Variants in PLOD2 observed in about 807,000 individuals in gnomAD.
PLOD2 encodes lysine hydroxylase 2.
Under a neutral mutation model 101.0 loss-of-function variants are expected in PLOD2, and 65 were observed. That is an observed-to-expected ratio of 0.64 (90% confidence interval 0.53 to 0.79). The LOEUF is 0.79. PLOD2 is among the 30% of genes least tolerant of loss of function. The pLI is 0.00. For missense variants in PLOD2, 909 were observed against 914.6 expected (o/e 0.99, Z 0.08); for synonymous variants, 314 against 302.9 (o/e 1.04, Z -0.38).
chr3:146,108,475 G>A (rs1166073409), intron 4 of PLOD2, among the ~76,000 whole-genome samples: 1 of 152,136 alleles, frequency 6.6e-6, no homozygotes, highest in African/African-American at 2.4e-5. Flanking sequence ...GAGACACCGT[G>A]CCTGGCCAAA....
intron 3 of PLOD2, among the ~76,000 whole-genome samples, chr3:146,112,584 G>T (rs1472305556): frequency 6.6e-6 from 1 of 152,018 alleles, no homozygotes; most frequent in African/African-American, 2.4e-5. Flanking sequence ...CGGGCACAGT[G>T]GCTCATGCCT....
intron 7 of PLOD2, among the ~76,000 whole-genome samples, chr3:146,092,979 A>T (rs899585257): frequency 1.3e-5 from 2 of 152,116 alleles, no homozygotes; most frequent in African/African-American, 4.8e-5. Context: ...TCATTATATG[A>T]TCAATAATTT....
intron 4 of PLOD2, 137 bp from the exon 5 acceptor site, chr3:146,106,781 C>G (rs1404301751): frequency 1.4e-6 from 1 of 690,164 alleles, no homozygotes; most frequent in Non-Finnish European, 2.6e-6. Flanking sequence ...CACAGCTCAC[C>G]ATGAAAGAAA....
intron 1 of PLOD2, among the ~76,000 whole-genome samples, chr3:146,135,189 TG>T (rs1479474026): frequency 6.6e-6 from 1 of 152,174 alleles, no homozygotes. Flanking sequence ...CATACTGTCT[TG>T]AAAGTTTTAT....
chr3:146,072,295 C>A (rs1252188590), intron 17 of PLOD2, among the ~76,000 whole-genome samples: 3 of 151,642 alleles, frequency 2.0e-5, no homozygotes, highest in Admixed American at 6.6e-5. Context: ...CTAACAAACT[C>A]TGGCCTGAGG....
intron 12 of PLOD2, among the ~76,000 whole-genome samples, chr3:146,080,832 T>C (rs1030988354): frequency 2.0e-5 from 3 of 152,170 alleles, no homozygotes; most frequent in Non-Finnish European, 4.4e-5. Flanking sequence ...TGCATTTTAA[T>C]TGCAGCTAAC....
At chr3:146,117,373 T>C (rs765503443) in intron 3 of PLOD2, among the ~76,000 whole-genome samples, 6 of 152,288 alleles carry the variant, frequency 3.9e-5, no homozygotes, top group Non-Finnish European at 7.4e-5. Flanking sequence ...ATGGGCATCA[T>C]ATTTCAAACC....
chr3:146,098,079 A>G (rs368266351), intron 7 of PLOD2, among the ~76,000 whole-genome samples: 3 of 152,222 alleles, frequency 2.0e-5, no homozygotes, highest in African/African-American at 7.2e-5. Context: ...GAGGGAGGGC[A>G]TTAGGACAAA....
At chr3:146,092,762 C>T (rs1937020095) in intron 7 of PLOD2, among the ~76,000 whole-genome samples, 1 of 151,884 alleles carries the variant, frequency 6.6e-6, no homozygotes, top group African/African-American at 2.4e-5. Context: ...TTGCTCTGAA[C>T]CCTCAAACAA....
At chr3:146,151,598 G>A (rs965899839) in intron 1 of PLOD2, among the ~76,000 whole-genome samples, 1 of 152,200 alleles carries the variant, frequency 6.6e-6, no homozygotes, top group African/African-American at 2.4e-5. Flanking sequence ...AGGTTGGTGA[G>A]TGGAAGGATG....
chr3:146,131,967 T>C (rs1203472437), intron 1 of PLOD2, among the ~76,000 whole-genome samples: 1 of 151,692 alleles, frequency 6.6e-6, no homozygotes, highest in Non-Finnish European at 1.5e-5. Context: ...TCAAGAGACA[T>C]CCAATGATTT....
intron 11 of PLOD2, 23 bp from the exon 12 acceptor site, chr3:146,081,886 TGA>T (rs1291717389): frequency 8.1e-6 from 13 of 1,602,960 alleles, no homozygotes; most frequent in African/African-American, 1.3e-5. Context: ...AGAGTGTGTG[TGA>T]GAGAGAGAAA....
intron 13 of PLOD2, 102 bp from the exon 14 acceptor site, chr3:146,078,026 A>G: frequency 2.6e-6 from 2 of 777,352 alleles, no homozygotes; most frequent in Non-Finnish European, 4.7e-6. Context: ...AAAAGCTAAC[A>G]TTCTGAAATG....
chr3:146,118,039 T>C (rs1447978148), intron 3 of PLOD2, among the ~76,000 whole-genome samples: 1 of 152,074 alleles, frequency 6.6e-6, no homozygotes, highest in Non-Finnish European at 1.5e-5. Context: ...GACTCACATG[T>C]AGTAACTCTT....
rs1559829541 is a variant in PLOD2, at chr3:146,070,092, T to G, written c.*625A>C. 6.6e-6 allele frequency: 1 copy of G among 151,960 alleles called. No homozygotes were observed. 9.4% of individuals were successfully genotyped at this position (151,960 alleles called of 1,614,324 possible). A position where few individuals can be genotyped will look rare whatever the true frequency, so the allele number is the denominator to read the frequency against. Reference sequence around the variant, plus strand: ...TTTTTAATACTAATATAAAATAATCTGCCTTCCAATCAAAACAAAAATGTT... The same window carrying G: ...TTTTTAATACTAATATAAAATAATCGGCCTTCCAATCAAAACAAAAATGTT... On this transcript the variant is annotated 3_prime_UTR_variant, in exon 20 of 20. Transcript: ENST00000282903.
intron 2 of PLOD2, among the ~76,000 whole-genome samples, chr3:146,123,614 A>T (rs2030344552): frequency 1.3e-5 from 2 of 152,120 alleles, no homozygotes; most frequent in Admixed American, 1.3e-4. Flanking sequence ...ACAAAGAATC[A>T]TCCTACGATA....
At chr3:146,142,113 T>G (rs1166820529) in intron 1 of PLOD2, among the ~76,000 whole-genome samples, 1 of 152,066 alleles carries the variant, frequency 6.6e-6, no homozygotes, top group Non-Finnish European at 1.5e-5. Flanking sequence ...AATTGCCAAA[T>G]TATAACTTTC....
intron 1 of PLOD2, among the ~76,000 whole-genome samples, chr3:146,135,630 AT>A (rs1183817178): frequency 6.6e-6 from 1 of 152,172 alleles, no homozygotes; most frequent in Non-Finnish European, 1.5e-5. Flanking sequence ...TTTACCAGAT[AT>A]TTAACTGACT....
At position 146,085,293 on chromosome 3, in the gene PLOD2, T is replaced by A. The variant is rs368881025; in HGVS notation, c.1128-20A>T. 1.7e-6 allele frequency: 2 copies of A among 1,169,556 alleles called. No homozygotes were observed. The highest frequency in any genetic ancestry group is 2.6e-6 in the Non-Finnish European group (2 of 774,544). 72.4% of individuals were successfully genotyped at this position (1,169,556 alleles called of 1,614,324 possible). On this transcript the variant is annotated intron_variant, in intron 10 of 19. Transcript: ENST00000282903. Reference sequence around the variant, plus strand: ...AAGTCCCTAACAGTGAAAAAGAAAATGAAATGGGCATGACATAAAATAAAT... The same window carrying A: ...AAGTCCCTAACAGTGAAAAAGAAAAAGAAATGGGCATGACATAAAATAAAT...
Sources: gnomAD v4.1 joint callset for allele counts (sites outside exome capture counted in the v4.1 genomes callset) on GRCh38, gnomAD v4.1.1 for gene constraint, MANE v1.5 for transcripts, NCBI Gene and HGNC (gene_info 2026-07-23, HGNC 2026-07-21) for gene names.